The following FSIP2 variants were observed in gnomAD, a reference collection of about 807,000 sequenced individuals.
FSIP2 encodes fibrous sheath-interacting protein 2.
In FSIP2, 367 loss-of-function variants were observed where a neutral mutation model predicts 510.5. That is an observed-to-expected ratio of 0.72 (90% CI 0.66 to 0.78). The LOEUF is 0.78. FSIP2 is among the 30% of genes least tolerant of loss of function. The pLI is 0.00. For synonymous variants in FSIP2, 2,601 were observed against 2,732.2 expected (o/e 0.95, Z 1.50); for missense variants, 7,594 against 7,901.7 (o/e 0.96, Z 1.48).
Position 185,795,041 on chromosome 2 carries a change from G to T in FSIP2, c.7905G>T (p.Met2635Ile), listed in dbSNP as rs1163899630. 5 of 1,534,280 alleles carry T rather than the reference G, an allele frequency of 3.3e-6. No individual in the cohort carries two copies. Among genetic ancestry groups the T allele is most frequent in the Non-Finnish European group, 4.4e-6 (5 of 1,145,990 alleles). Residue 2635 changes from methionine (M) to isoleucine (I), a missense_variant, in exon 16 of 23, where the codon ATG becomes ATT. By Grantham distance (10) the Met-to-Ile change is conservative (BLOSUM62 1). Coordinates refer to ENST00000424728, the MANE Select transcript of FSIP2 (RefSeq NM_173651.4). ...AAGTGAAGAAAGACTTAATTCAAAT[G>T]GTTCTCAATAAGATCACAAATTTTG... ...PLQVKKDLIQ[M>I]VLNKITNFVS...
chr2:185,782,090 C>T (rs1019745508), intron 13 of FSIP2, among the ~76,000 whole-genome samples: 6 of 152,136 alleles, frequency 3.9e-5, no homozygotes, highest in East Asian at 1.9e-4. Flanking sequence ...CCCTCCTGGG[C>T]CCCCCAAAGT....
chr2:185,790,239 T>G lies in FSIP2; in HGVS notation c.3103T>G (p.Trp1035Gly). The G allele has an allele frequency of 1.3e-6, 2 of 1,532,496 alleles. No homozygotes were observed. The highest frequency in any genetic ancestry group is 1.7e-6 in the Non-Finnish European group (2 of 1,145,116). 94.9% of individuals were successfully genotyped at this position (1,532,496 alleles called of 1,614,324 possible). A position where few individuals can be genotyped will look rare whatever the true frequency, so the allele number is the denominator to read the frequency against. The stretch of plus-strand genomic sequence containing the variant: ...ATCACAAGAACAGATTCCTAATCAT[T>G]GGTTTACAAAGGGAAACACTTGTTT... ...VKSQEQIPNH[W>G]FTKGNTCFEC... The change falls in exon 16 of 23, where the codon TGG (tryptophan) becomes GGG (glycine). Residue 1035 changes from tryptophan to glycine, a missense_variant. Physicochemically the swap from Trp to Gly is radical, Grantham distance 184 (BLOSUM62 -2). Transcript: ENST00000424728.
At position 185,799,868 on chromosome 2, in the gene FSIP2, G is replaced by A. The variant is rs1168600131; in HGVS notation, c.10562G>A (p.Gly3521Asp). ...TSSISDGTKKGREKEKAWEIQ... is the reference protein window; with the variant it reads ...TSSISDGTKKDREKEKAWEIQ... ...AGCATTTCTGATGGCACCAAAAAGG[G>A]TAGAGAAAAAGAGAAAGCATGGGAA... The change falls in exon 17 of 23, where the codon GGT (glycine) becomes GAT (aspartate). Residue 3521 changes from glycine (G) to aspartate (D), a missense_variant. Gly to Asp is a moderately conservative substitution (Grantham distance 94, BLOSUM62 -1). Coordinates refer to ENST00000424728, the MANE Select transcript of FSIP2 (RefSeq NM_173651.4). The A allele has an allele frequency of 3.3e-6, 5 of 1,533,430 alleles. No individual in the cohort carries two copies. The African/African-American group carries it at 5.5e-5, about 17-fold the overall frequency. 95.0% of individuals were successfully genotyped at this position (1,533,430 alleles called of 1,614,324 possible).
At position 185,819,088 on chromosome 2, in the gene FSIP2, A is replaced by T. The variant is rs146074963; in HGVS notation, c.20426+3617A>T. On this transcript the variant is annotated intron_variant, in intron 19 of 22. Coordinates refer to ENST00000424728, the MANE Select transcript of FSIP2 (RefSeq NM_173651.4). ...AATAACATAAAATGGGTAGGGGGCA[A>T]ATGTGTTAAAAAGTAGAGTTTTTGT... Among the ~76,000 whole-genome samples the T allele has an allele frequency of 3.6e-3, 544 of 152,030 alleles. 13 individuals are homozygous for T. Among genetic ancestry groups the T allele is most frequent in the Admixed American group, 0.033 (503 of 15,244 alleles).
Position 185,793,056 on chromosome 2 carries a change from G to A in FSIP2, c.5920G>A (p.Glu1974Lys), listed in dbSNP as rs1402593727. Residue 1974 changes from glutamate (E) to lysine (K), a missense_variant, in exon 16 of 23, where the codon GAG (glutamate) becomes AAG (lysine). By Grantham distance (56) the Glu-to-Lys change is moderately conservative. Coordinates refer to ENST00000424728, the MANE Select transcript of FSIP2 (RefSeq NM_173651.4). The part of the protein sequence containing the change: ...ALSAKDSYSD[E>K]QFSCCSVDHT... ...ATCAGCCAAAGATTCATATTCTGAT[G>A]AGCAATTTTCCTGTTGCTCAGTAGA... 5 of 1,534,156 alleles carry A rather than the reference G, an allele frequency of 3.3e-6. No individual in the cohort carries two copies. The highest frequency in any genetic ancestry group is 3.9e-5 in the Admixed American group (2 of 50,866).
chr2:185,776,342 A>T (rs1692717823), intron 13 of FSIP2, among the ~76,000 whole-genome samples: 1 of 152,126 alleles, frequency 6.6e-6, no homozygotes, highest in African/African-American at 2.4e-5. Context: ...TTTACTATGG[A>T]TGTACAACTC....
At position 185,791,436 on chromosome 2, in the gene FSIP2, G is replaced by C. The variant is rs1473797815; in HGVS notation, c.4300G>C (p.Glu1434Gln). 6.5e-7 allele frequency: 1 copy of C among 1,534,132 alleles called. No individual in the cohort carries two copies. Among genetic ancestry groups the C allele is most frequent in the Non-Finnish European group, 8.7e-7 (1 of 1,145,610 alleles). ...IKENAKLQVLERIGETLHEML... is the reference protein window; with the variant it reads ...IKENAKLQVLQRIGETLHEML... Reference sequence around the variant, plus strand: ...AGAGAATGCAAAATTGCAAGTGTTAGAAAGAATTGGGGAAACACTACATGA... The same window carrying C: ...AGAGAATGCAAAATTGCAAGTGTTACAAAGAATTGGGGAAACACTACATGA... The change falls in exon 16 of 23, where the codon GAA becomes CAA. Residue 1434 changes from glutamate to glutamine, a missense_variant. Coordinates refer to ENST00000424728, the MANE Select transcript of FSIP2 (RefSeq NM_173651.4).
Position 185,793,083 on chromosome 2 carries a change from C to T in FSIP2, c.5947C>T (p.His1983Tyr). The T allele has an allele frequency of 6.5e-7, 1 of 1,534,304 alleles. No individual in the cohort carries two copies. The highest frequency in any genetic ancestry group is 8.7e-7 in the Non-Finnish European group (1 of 1,145,680). ...DEQFSCCSVD[H>Y]TKSGKTNLCQ... ...GCAATTTTCCTGTTGCTCAGTAGAT[C>T]ATACCAAGTCAGGAAAGACCAACTT... The change falls in exon 16 of 23, where the codon CAT becomes TAT. Residue 1983 changes from histidine (H) to tyrosine (Y), a missense_variant. By Grantham distance (83) the His-to-Tyr change is moderately conservative. Transcript: ENST00000424728.
Position 185,760,983 on chromosome 2 carries a change from T to C in FSIP2, c.1079-5T>C. On this transcript the variant is annotated splice_region_variant and splice_polypyrimidine_tract_variant and intron_variant, in intron 9 of 22. Transcript: ENST00000424728. ...CTATAGAGTTTCTCTCTCGTTTTCT[T>C]TTAGGACATACAGCAAATGCTGCTC... 1.5e-6 allele frequency: 2 copies of C among 1,300,618 alleles called. No homozygotes were observed. The highest frequency in any genetic ancestry group is 2.1e-6 in the Non-Finnish European group (2 of 961,678). The allele number at this position is 1,300,618 out of a possible 1,614,324, so 80.6% of individuals were successfully genotyped here.
At chr2:185,779,486 C>T (rs561608719) in intron 13 of FSIP2, among the ~76,000 whole-genome samples, 2 of 152,162 alleles carry the variant, frequency 1.3e-5, no homozygotes, top group Non-Finnish European at 2.9e-5. Flanking sequence ...CTATCAATCA[C>T]TCAAACATTT....
intron 12 of FSIP2, among the ~76,000 whole-genome samples, chr2:185,763,929 G>T: frequency 6.6e-6 from 1 of 151,474 alleles, no homozygotes; most frequent in Non-Finnish European, 1.5e-5. Flanking sequence ...CTGTAGTGCA[G>T]TTTTATAATA....
At chr2:185,815,535 G>C in intron 19 of FSIP2, 64 bp downstream of exon 19, 1 of 730,486 alleles carries the variant, frequency 1.4e-6, no homozygotes, top group South Asian at 2.1e-5. Context: ...GAGTAGAATG[G>C]GGCCCCTGGC....
intron 1 of FSIP2, 82 bp from the exon 2 acceptor site, chr2:185,739,264 G>A: frequency 7.3e-7 from 1 of 1,361,806 alleles, no homozygotes; most frequent in Admixed American, 2.8e-5. Flanking sequence ...CGGAGTCTTT[G>A]GTTGCAATGG....
At position 185,818,702 on chromosome 2, in the gene FSIP2, A is replaced by T. The variant is rs148122241; in HGVS notation, c.20426+3231A>T. Among the ~76,000 whole-genome samples the T allele has an allele frequency of 2.9e-3, 442 of 152,002 alleles. 2 individuals are homozygous for T. The highest frequency in any genetic ancestry group is 0.01 in the African/African-American group (422 of 41,552). On this transcript the variant is annotated intron_variant, in intron 19 of 22. Coordinates refer to ENST00000424728, the MANE Select transcript of FSIP2 (RefSeq NM_173651.4). ...AAAGAAAAACAAATACTGTCAAACA[A>T]GAATTCTACATCCAGCAAAAAATGT...
At chr2:185,750,939 CAGAGA>C (rs1369602815) in intron 7 of FSIP2, among the ~76,000 whole-genome samples, 1 of 151,294 alleles carries the variant, frequency 6.6e-6, no homozygotes, top group Non-Finnish European at 1.5e-5. Flanking sequence ...TTATTGTAGT[CAGAGA>C]AAAGACTTTT....
intron 13 of FSIP2, among the ~76,000 whole-genome samples, chr2:185,769,780 C>G (rs1258520125): frequency 1.3e-5 from 2 of 152,112 alleles, no homozygotes; most frequent in African/African-American, 4.8e-5. Flanking sequence ...TTTAATCCAT[C>G]TTGTGTTGAT....
chr2:185,774,527 A>T (rs373868148), intron 13 of FSIP2, among the ~76,000 whole-genome samples: 14 of 152,204 alleles, frequency 9.2e-5, no homozygotes, highest in East Asian at 7.7e-4. Context: ...GATTATGGTA[A>T]GAAGGCTTGT....
At chr2:185,769,239 T>G (rs1692558598) in intron 13 of FSIP2, among the ~76,000 whole-genome samples, 1 of 152,198 alleles carries the variant, frequency 6.6e-6, no homozygotes, top group Non-Finnish European at 1.5e-5. Flanking sequence ...TGAATTAATT[T>G]ACACTCCCAC....
chr2:185,763,224 C>A lies in FSIP2; in HGVS notation c.1282C>A (p.Gln428Lys). 1 of 1,517,756 alleles carries A rather than the reference C, an allele frequency of 6.6e-7. No individual in the cohort carries two copies. The highest frequency in any genetic ancestry group is 8.8e-7 in the Non-Finnish European group (1 of 1,130,922). 94.0% of individuals were successfully genotyped at this position (1,517,756 alleles called of 1,614,324 possible). The part of the protein sequence containing the change: ...ISGQGSIISA[Q>K]VSPTRNFSRV... ...AGGCCAAGGTTCAATTATTTCAGCGCAGGTATCACCCACGAGAAATTTTTC... is the reference window on the plus strand; with the variant it reads ...AGGCCAAGGTTCAATTATTTCAGCGAAGGTATCACCCACGAGAAATTTTTC... Residue 428 changes from glutamine (Q) to lysine (K), a missense_variant, in exon 12 of 23, where the codon CAG becomes AAG. By Grantham distance (53) the Gln-to-Lys change is moderately conservative (BLOSUM62 1). Transcript: ENST00000424728.
Sources: gnomAD v4.1 joint callset for allele counts (sites outside exome capture counted in the v4.1 genomes callset) on GRCh38, gnomAD v4.1.1 for gene constraint, MANE v1.5 for transcripts, NCBI Gene and HGNC (gene_info 2026-07-23, HGNC 2026-07-21) for gene names.